The following LRFN2 variants were observed in gnomAD, a reference collection of about 807,000 sequenced individuals.
LRFN2 encodes leucine-rich repeat and fibronectin type-III domain-containing protein 2.
Under a neutral mutation model 37.3 loss-of-function variants are expected in LRFN2, and 18 were observed. The observed-to-expected ratio is 0.48, with a 90% CI of 0.33 to 0.72. LRFN2 has a LOEUF of 0.72. Among genes scored for constraint, LRFN2 ranks in the 30% least tolerant of loss-of-function variants. The probability of loss-of-function intolerance (pLI) is 0.02; values close to 1 mark genes in which losing one functional copy is unlikely to be tolerated. For missense variants in LRFN2, 1,006 were observed against 1,060.7 expected, an observed-to-expected ratio of 0.95 and a Z score of 0.72; for synonymous variants, 556 against 466.6, an observed-to-expected ratio of 1.19 and a Z score of -2.47.
At position 40,392,517 on chromosome 6, in the gene LRFN2, G is replaced by T; in HGVS notation, c.1796C>A (p.Pro599Gln). The change falls in exon 3 of 3, where the codon CCG becomes CAG. Residue 599 changes from proline to glutamine, a missense_variant. Physicochemically the swap from Pro to Gln is moderately conservative, Grantham distance 76. This residue lies in a region of LRFN2 where 398 missense variants were observed against 327.6 expected (regional missense o/e 1.21). Transcript: ENST00000338305. This position sits in a 1 kb window ranked among gnomAD's most constrained non-coding sequence, Gnocchi z 4.7. Reference protein sequence around the residue: ...SAPAGAPPQGPPKVVVRNELL... With the variant: ...SAPAGAPPQGQPKVVVRNELL... ...CTCGTTGCGCACCACCACCTTCGGC[G>T]GGCCCTGCGGCGGGGCCCCGGCTGG... 6.3e-7 allele frequency: 1 copy of T among 1,589,616 alleles called. No homozygotes were observed. The highest frequency in any genetic ancestry group is 8.5e-7 in the Non-Finnish European group (1 of 1,170,378).
At chr6:40,402,234 G>A (rs1762754586) in intron 2 of LRFN2, among the ~76,000 whole-genome samples, 1 of 149,572 alleles carries the variant, frequency 6.7e-6, no homozygotes. Flanking sequence ...ACTGTATGAG[G>A]TAGGAATAAT....
At chr6:40,582,714 G>GAAA (rs35249144) in intron 1 of LRFN2, among the ~76,000 whole-genome samples, 190 of 135,490 alleles carry the variant, frequency 1.4e-3, no homozygotes, top group East Asian at 4.6e-3. Context: ...AAATCACTCA[G>GAAA]AAAAAAAAAA....
intron 1 of LRFN2, among the ~76,000 whole-genome samples, chr6:40,508,427 G>T (rs751924374): frequency 1.3e-5 from 2 of 152,168 alleles, no homozygotes; most frequent in Non-Finnish European, 2.9e-5. Flanking sequence ...TTCTGGAGGG[G>T]TCTGATCAGC....
chr6:40,537,107 G>C (rs532486369), intron 1 of LRFN2, among the ~76,000 whole-genome samples: 1 of 152,192 alleles, frequency 6.6e-6, no homozygotes, highest in Admixed American at 6.5e-5. Context: ...CTGGTGCAGT[G>C]GTTATCCATT....
chr6:40,545,292 C>A (rs888587043), intron 1 of LRFN2, among the ~76,000 whole-genome samples: 2 of 152,206 alleles, frequency 1.3e-5, no homozygotes, highest in Non-Finnish European at 2.9e-5. Context: ...AAGGGCAGAG[C>A]CTCCTGGGTC....
At chr6:40,457,249 C>T (rs1382563685) in intron 1 of LRFN2, among the ~76,000 whole-genome samples, 1 of 151,934 alleles carries the variant, frequency 6.6e-6, no homozygotes, top group Non-Finnish European at 1.5e-5. Context: ...AGTCCTAATC[C>T]AAAGGAGGGA....
chr6:40,405,264 G>T (rs368005272), intron 2 of LRFN2, among the ~76,000 whole-genome samples: 2 of 152,212 alleles, frequency 1.3e-5, no homozygotes, highest in East Asian at 3.9e-4. Context: ...GAGGCAGCAG[G>T]GTACAGTGGA....
chr6:40,529,679 G>A (rs1387998511), intron 1 of LRFN2, among the ~76,000 whole-genome samples: 1 of 152,166 alleles, frequency 6.6e-6, no homozygotes, highest in African/African-American at 2.4e-5. Flanking sequence ...GGAGCTGTCT[G>A]GGTTCAAATC....
At chr6:40,451,817 C>G (rs1173895460) in intron 1 of LRFN2, among the ~76,000 whole-genome samples, 1 of 152,158 alleles carries the variant, frequency 6.6e-6, no homozygotes, top group Non-Finnish European at 1.5e-5. Flanking sequence ...ACCCAAAGTA[C>G]AAAACAAATG....
intron 1 of LRFN2, among the ~76,000 whole-genome samples, chr6:40,566,000 A>G (rs191317751): frequency 3.9e-5 from 6 of 152,354 alleles, no homozygotes; most frequent in African/African-American, 1.4e-4. Context: ...ACAAAGGGCT[A>G]ATATCCAGAA....
At chr6:40,461,531 C>T (rs73430969) in intron 1 of LRFN2, among the ~76,000 whole-genome samples, 3 of 151,666 alleles carry the variant, frequency 2.0e-5, no homozygotes, top group African/African-American at 4.9e-5. Flanking sequence ...GTTGCAGCCC[C>T]GAAAATACAG....
intron 2 of LRFN2, among the ~76,000 whole-genome samples, chr6:40,415,658 G>A (rs943498927): frequency 2.0e-5 from 3 of 152,180 alleles, no homozygotes; most frequent in South Asian, 2.1e-4. Context: ...CTACTGAATC[G>A]GTGAAGACCT....
intron 2 of LRFN2, among the ~76,000 whole-genome samples, chr6:40,396,773 G>A (rs1012568612): frequency 1.3e-5 from 2 of 151,140 alleles, no homozygotes; most frequent in African/African-American, 4.9e-5. Flanking sequence ...TTGGCGGTAG[G>A]AGGAGTTGGG....
At chr6:40,464,223 G>A (rs141713123) in intron 1 of LRFN2, among the ~76,000 whole-genome samples, 4 of 152,212 alleles carry the variant, frequency 2.6e-5, no homozygotes, top group African/African-American at 9.6e-5. Flanking sequence ...TTCTCACTAG[G>A]ATCTGGTGCA....
At chr6:40,476,351 G>A (rs1283045739) in intron 1 of LRFN2, among the ~76,000 whole-genome samples, 1 of 152,222 alleles carries the variant, frequency 6.6e-6, no homozygotes, top group African/African-American at 2.4e-5. Context: ...GCTGCCACTA[G>A]AAATTCTCTT....
At chr6:40,513,224 T>C (rs936211156) in intron 1 of LRFN2, among the ~76,000 whole-genome samples, 5 of 150,424 alleles carry the variant, frequency 3.3e-5, no homozygotes, top group Non-Finnish European at 5.9e-5. Context: ...CAATACGCCC[T>C]CATTTAACAA....
At chr6:40,435,062 G>GAGAGAA (rs1763622736) in intron 1 of LRFN2, among the ~76,000 whole-genome samples, 1 of 118,820 alleles carries the variant, frequency 8.4e-6, no homozygotes, top group Non-Finnish European at 1.7e-5. Flanking sequence ...TAGAGAGAGA[G>GAGAGAA]AGAGAGAGAG....
chr6:40,507,664 G>A (rs990488395), intron 1 of LRFN2, among the ~76,000 whole-genome samples: 1 of 152,094 alleles, frequency 6.6e-6, no homozygotes, highest in African/African-American at 2.4e-5. Context: ...TGTTTTGGAG[G>A]GGAAAATGCC....
chr6:40,542,482 G>A (rs902006572), intron 1 of LRFN2, among the ~76,000 whole-genome samples: 6 of 151,564 alleles, frequency 4.0e-5, no homozygotes, highest in African/African-American at 1.5e-4. Flanking sequence ...CATCTGCAGA[G>A]CACCGAGATA....
Sources: gnomAD v4.1 joint callset for allele counts (sites outside exome capture counted in the v4.1 genomes callset) on GRCh38, gnomAD v4.1.1 for gene constraint, gnomAD v4.1.1 regional missense constraint, Gnocchi (gnomAD v3.1) non-coding constraint, MANE v1.5 for transcripts, NCBI Gene and HGNC (gene_info 2026-07-23, HGNC 2026-07-21) for gene names.